CUEDC1: variants seen among roughly 807,000 people sequenced by gnomAD.
CUEDC1 encodes CUE domain containing 1, also known as CUE domain-containing protein 1.
A neutral mutation model predicts 43.7 loss-of-function variants in CUEDC1; 30 were observed. That is an observed-to-expected ratio of 0.69 (90% CI 0.51 to 0.93). The LOEUF (loss-of-function observed/expected upper bound fraction) is 0.93, where lower values mean the gene tolerates loss of function less well. Ranked by LOEUF, CUEDC1 falls within the 40% of genes least tolerant of loss-of-function variation. CUEDC1 has a pLI of 0.00. For synonymous variants in CUEDC1, 223 were observed against 223.6 expected (o/e 1.00, Z 0.02); for missense variants, 486 against 549.0 (o/e 0.89, Z 1.15).
chr17:57,935,886 G>A (rs1016628023), intron 1 of CUEDC1, among the ~76,000 whole-genome samples: 5 of 152,176 alleles, frequency 3.3e-5, no homozygotes, highest in Non-Finnish European at 7.3e-5. Context: ...ATCCTGGAGA[G>A]ACTGAAAGAG....
chr17:57,937,820 C>T (rs1008507011), intron 1 of CUEDC1, among the ~76,000 whole-genome samples: 3 of 151,386 alleles, frequency 2.0e-5, no homozygotes, highest in Non-Finnish European at 4.4e-5. Context: ...GGTGGGAAAA[C>T]CCCTTGAGCC....
intron 6 of CUEDC1, among the ~76,000 whole-genome samples, chr17:57,870,771 G>A (rs145817149): frequency 2.8e-4 from 43 of 151,968 alleles, no homozygotes; most frequent in Admixed American, 2.1e-3. Flanking sequence ...CAACCTCCTG[G>A]GCTCAAGTGA....
intron 1 of CUEDC1, among the ~76,000 whole-genome samples, chr17:57,915,536 T>C (rs2074630525): frequency 6.6e-6 from 1 of 152,324 alleles, no homozygotes; most frequent in South Asian, 2.1e-4. Flanking sequence ...GAGGTTAATG[T>C]GGCTACGTTA....
chr17:57,872,801 C>T lies in CUEDC1; in HGVS notation c.646G>A (p.Ala216Thr). Residue 216 changes from alanine to threonine, a missense_variant, in exon 5 of 11, where the codon GCT becomes ACT. By Grantham distance (58) the Ala-to-Thr change is moderately conservative. Coordinates refer to ENST00000577830, the MANE Select transcript of CUEDC1 (RefSeq NM_001271875.2). ...GSGEGCPPAM[A>T]GPGPGDQESR... ...TCCTGGTCTCCGGGCCCTGGCCCAG[C>T]CATGGCAGGTGGACATCCCTCTCCA... The T allele has an allele frequency of 1.9e-6, 3 of 1,614,204 alleles. No individual in the cohort carries two copies. Among genetic ancestry groups the T allele is most frequent in the Non-Finnish European group, 2.5e-6 (3 of 1,180,034 alleles).
chr17:57,937,631 G>GA (rs1716962528), intron 1 of CUEDC1, among the ~76,000 whole-genome samples: 4 of 150,038 alleles, frequency 2.7e-5, no homozygotes, highest in Admixed American at 2.7e-4. Flanking sequence ...AACAGAAAAA[G>GA]AAAAAAATCT....
At chr17:57,935,406 A>C (rs3925314) in intron 1 of CUEDC1, among the ~76,000 whole-genome samples, 28,466 of 76,380 alleles carry the variant, frequency 0.37, 3,029 homozygotes, top group South Asian at 0.43. Flanking sequence ...CACACACACA[A>C]ACACACACAC....
intron 3 of CUEDC1, among the ~76,000 whole-genome samples, chr17:57,875,989 C>T (rs753521524): frequency 6.6e-5 from 10 of 152,120 alleles, no homozygotes; most frequent in Non-Finnish European, 1.3e-4. Context: ...GTGGCCCTGC[C>T]TCTCTGTGCC....
At chr17:57,935,551 A>T (rs1164618456) in intron 1 of CUEDC1, among the ~76,000 whole-genome samples, 1 of 152,140 alleles carries the variant, frequency 6.6e-6, no homozygotes, top group Non-Finnish European at 1.5e-5. Flanking sequence ...TCCAGGAGTG[A>T]CATTTCCTCA....
intron 7 of CUEDC1, chr17:57,868,541 A>G (rs1397594438): frequency 1.1e-5 from 5 of 450,512 alleles, no homozygotes; most frequent in African/African-American, 4.0e-5. Flanking sequence ...CAGCTGCAAC[A>G]CACTGCAACG....
At chr17:57,924,331 C>G (rs970440320) in intron 1 of CUEDC1, among the ~76,000 whole-genome samples, 2 of 152,204 alleles carry the variant, frequency 1.3e-5, no homozygotes, top group Admixed American at 6.5e-5. Context: ...GTCTTGATCT[C>G]TTGACCTCGT....
At chr17:57,871,195 C>T (rs1013623692) in intron 6 of CUEDC1, 91 bp downstream of exon 6, 3 of 1,048,844 alleles carry the variant, frequency 2.9e-6, no homozygotes, top group African/African-American at 3.1e-5. Context: ...TGTTTTTTCA[C>T]CCTCCTCTCA....
At position 57,950,099 on chromosome 17, in the gene CUEDC1, A is replaced by G. The variant is rs544573173; in HGVS notation, c.-316+5126T>C. Among the ~76,000 whole-genome samples, 224 of 152,302 alleles carry G rather than the reference A, an allele frequency of 1.5e-3. 3 individuals are homozygous for G. Among genetic ancestry groups the G allele is most frequent in the Non-Finnish European group, 1.6e-3 (107 of 68,022 alleles). ...GTCCGACCCCTCTGTGAGTGCTGCA[A>G]TGATTATTTCCCAAGCCTATCCCTT... On this transcript the variant is annotated intron_variant, in intron 1 of 10. Transcript: ENST00000577830.
At chr17:57,899,296 C>T (rs531017916) in intron 1 of CUEDC1, among the ~76,000 whole-genome samples, 1 of 152,348 alleles carries the variant, frequency 6.6e-6, no homozygotes, top group Non-Finnish European at 1.5e-5. Context: ...CGGCCTCAGC[C>T]CCTGCTCCGC....
At chr17:57,920,230 A>G (rs2074685556) in intron 1 of CUEDC1, among the ~76,000 whole-genome samples, 1 of 152,228 alleles carries the variant, frequency 6.6e-6, no homozygotes, top group African/African-American at 2.4e-5. Flanking sequence ...CCTTATTAGC[A>G]ACGCAGGATC....
chr17:57,938,165 G>A (rs1366210319), intron 1 of CUEDC1, among the ~76,000 whole-genome samples: 1 of 152,064 alleles, frequency 6.6e-6, no homozygotes, highest in Non-Finnish European at 1.5e-5. Context: ...AGACAGTCTA[G>A]GGACAAGGAC....
chr17:57,888,913 G>A (rs1159920157), intron 1 of CUEDC1, among the ~76,000 whole-genome samples: 1 of 152,236 alleles, frequency 6.6e-6, no homozygotes, highest in African/African-American at 2.4e-5. Context: ...GGAGAAAGAT[G>A]ACCTGGGCCA....
chr17:57,923,778 A>G (rs2074719130), intron 1 of CUEDC1, among the ~76,000 whole-genome samples: 1 of 152,200 alleles, frequency 6.6e-6, no homozygotes, highest in Admixed American at 6.5e-5. Context: ...ACATCAACAA[A>G]ACAATACTGA....
chr17:57,912,558 C>T (rs2074595036), intron 1 of CUEDC1: 1 of 152,022 alleles, frequency 6.6e-6, no homozygotes, highest in Admixed American at 6.6e-5. Context: ...TCTTGGACAA[C>T]TTTTTACTTG....
In CUEDC1 at chr17:57,911,151, C is replaced by T. The variant is rs148897750; in HGVS notation, c.-315-25272G>A. 3.9e-3 allele frequency among the ~76,000 whole-genome samples: 601 copies of T among 152,310 alleles called. 7 individuals carry two copies. Among genetic ancestry groups the T allele is most frequent in the Middle Eastern group, 0.017 (5 of 294 alleles). ...TGGTTAAACACACATTGCTGGCCTC[C>T]ACCCCCAGAGTTCCTGATTCCCTGG... On this transcript the variant is annotated intron_variant, in intron 1 of 10. Coordinates refer to ENST00000577830, the MANE Select transcript of CUEDC1 (RefSeq NM_001271875.2).
Sources: gnomAD v4.1 joint callset for allele counts (sites outside exome capture counted in the v4.1 genomes callset) on GRCh38, gnomAD v4.1.1 for gene constraint, MANE v1.5 for transcripts, NCBI Gene and HGNC (gene_info 2026-07-23, HGNC 2026-07-21) for gene names.